Variants in CPEB3 observed in about 807,000 individuals in gnomAD.
CPEB3 encodes the protein cytoplasmic polyadenylation element-binding protein 3.
CPEB3 carries 20 observed loss-of-function variants against 67.2 expected under a neutral mutation model. That is an observed-to-expected ratio of 0.30 (90% CI 0.21 to 0.43). CPEB3 has a LOEUF of 0.43. CPEB3 is among the 20% of genes least tolerant of loss of function. The pLI, the probability that CPEB3 is intolerant of heterozygous loss-of-function variation, is 1.00. For missense variants in CPEB3, 746 were observed against 968.6 expected (o/e 0.77, Z 3.05); for synonymous variants, 376 against 393.1 (o/e 0.96, Z 0.51).
intron 7 of CPEB3, among the ~76,000 whole-genome samples, chr10:92,095,902 G>C (rs1843850617): frequency 6.6e-6 from 1 of 151,844 alleles, no homozygotes; most frequent in Admixed American, 6.6e-5. Flanking sequence ...TTGAGATGGA[G>C]TCTTGCTCTG....
At chr10:92,290,304 G>C (rs1409901180) in intron 1 of CPEB3, among the ~76,000 whole-genome samples, 2 of 151,866 alleles carry the variant, frequency 1.3e-5, no homozygotes, top group African/African-American at 4.8e-5. Flanking sequence ...GTCAGAAGCT[G>C]ACCCAAGGAG....
chr10:92,241,087 C>T (rs1851830742), intron 1 of CPEB3, among the ~76,000 whole-genome samples: 1 of 152,066 alleles, frequency 6.6e-6, no homozygotes, highest in African/African-American at 2.4e-5. Flanking sequence ...GAAGTAAAAA[C>T]CTACTGAAAC....
At chr10:92,245,133 CTTTTTTTTTTTT>C (rs989695063) in intron 1 of CPEB3, among the ~76,000 whole-genome samples, 3 of 98,068 alleles carry the variant, frequency 3.1e-5, no homozygotes, top group African/African-American at 7.9e-5. Context: ...AGAAAAGAGT[CTTTTTTTTTTTT>C]TTTTTTTTTT....
chr10:92,184,371 G>T (rs892567935), intron 3 of CPEB3, among the ~76,000 whole-genome samples: 1 of 152,176 alleles, frequency 6.6e-6, no homozygotes, highest in African/African-American at 2.4e-5. Context: ...TTGGGAGGCC[G>T]AGGCAGTCGG....
intron 4 of CPEB3, among the ~76,000 whole-genome samples, chr10:92,161,717 T>C (rs1447446423): frequency 6.6e-6 from 1 of 152,154 alleles, no homozygotes; most frequent in African/African-American, 2.4e-5. Context: ...CAGGCTGGAG[T>C]GCAGTGGCAT....
intron 2 of CPEB3, chr10:92,216,748 C>T (rs1564876977): frequency 4.3e-6 from 7 of 1,609,550 alleles, no homozygotes; most frequent in Non-Finnish European, 5.9e-6. Context: ...AGGAGGCTTA[C>T]GACGAGTGCC....
intron 2 of CPEB3, among the ~76,000 whole-genome samples, chr10:92,209,325 G>C (rs563567869): frequency 6.6e-6 from 1 of 152,328 alleles, no homozygotes; most frequent in Admixed American, 6.5e-5. Context: ...AGGAATTTGA[G>C]ACCAGCCTGG....
At chr10:92,059,994 G>A (rs1248559633) in intron 9 of CPEB3, among the ~76,000 whole-genome samples, 1 of 151,676 alleles carries the variant, frequency 6.6e-6, no homozygotes, top group African/African-American at 2.4e-5. Flanking sequence ...CAGAATGGAG[G>A]ATAAAAACCA....
chr10:92,185,698 T>C (rs1253270239), intron 3 of CPEB3, among the ~76,000 whole-genome samples: 3 of 152,192 alleles, frequency 2.0e-5, no homozygotes, highest in Non-Finnish European at 2.9e-5. Flanking sequence ...GAAAGCTTCA[T>C]GTAACAGAAT....
At chr10:92,085,494 C>T (rs1276705157) in intron 8 of CPEB3, among the ~76,000 whole-genome samples, 1 of 152,204 alleles carries the variant, frequency 6.6e-6, no homozygotes, top group Non-Finnish European at 1.5e-5. Flanking sequence ...AATACTGCAG[C>T]AATATGGAGC....
intron 6 of CPEB3, among the ~76,000 whole-genome samples, chr10:92,130,689 A>G (rs907964157): frequency 3.5e-5 from 5 of 144,450 alleles, no homozygotes; most frequent in African/African-American, 5.2e-5. Flanking sequence ...ACTGAGGTCT[A>G]TCTATGTGGA....
intron 9 of CPEB3, among the ~76,000 whole-genome samples, chr10:92,073,732 A>G (rs1842841201): frequency 1.3e-5 from 2 of 151,554 alleles, no homozygotes; most frequent in Admixed American, 1.3e-4. Flanking sequence ...CTCCCAAAAC[A>G]TTAGGATTAT....
chr10:92,269,909 C>T (rs941987406), intron 1 of CPEB3, among the ~76,000 whole-genome samples: 1 of 152,030 alleles, frequency 6.6e-6, no homozygotes, highest in African/African-American at 2.4e-5. Context: ...TCCTAGGTCT[C>T]CTTCGGTGAT....
At chr10:92,209,862 G>C (rs1481996761) in intron 2 of CPEB3, among the ~76,000 whole-genome samples, 1 of 149,808 alleles carries the variant, frequency 6.7e-6, no homozygotes, top group African/African-American at 2.5e-5. Context: ...ACTTGTACCC[G>C]AGAGGCGGAG....
At chr10:92,103,217 G>A (rs1411932120) in intron 7 of CPEB3, among the ~76,000 whole-genome samples, 5 of 152,146 alleles carry the variant, frequency 3.3e-5, no homozygotes, top group Non-Finnish European at 7.4e-5. Flanking sequence ...GATGCCACTA[G>A]GTGAGACCCA....
At chr10:92,175,359 A>C (rs1848178117) in intron 4 of CPEB3, among the ~76,000 whole-genome samples, 1 of 151,900 alleles carries the variant, frequency 6.6e-6, no homozygotes, top group South Asian at 2.1e-4. Context: ...CATTGTATGG[A>C]TGTACCACAA....
At chr10:92,169,476 T>A (rs374678307) in intron 4 of CPEB3, among the ~76,000 whole-genome samples, 18 of 152,282 alleles carry the variant, frequency 1.2e-4, no homozygotes, top group African/African-American at 4.3e-4. Flanking sequence ...AATGGGTGAA[T>A]ACAGTAGCAG....
At chr10:92,100,461 A>T (rs1844123866) in intron 7 of CPEB3, among the ~76,000 whole-genome samples, 1 of 151,966 alleles carries the variant, frequency 6.6e-6, no homozygotes. Context: ...TTTTTAGTAG[A>T]GACTGGGTTT....
intron 2 of CPEB3, among the ~76,000 whole-genome samples, chr10:92,215,386 T>A (rs2134381278): frequency 6.6e-6 from 1 of 150,408 alleles, no homozygotes; most frequent in South Asian, 2.1e-4. Context: ...ACTCCTGATC[T>A]CCTGATCCGC....
Sources: allele counts gnomAD v4.1 joint callset (sites outside exome capture counted in the v4.1 genomes callset), GRCh38; gene constraint gnomAD v4.1.1; transcripts MANE v1.5; gene names NCBI Gene and HGNC (gene_info 2026-07-23, HGNC 2026-07-21).